The following GRM8 variants were observed in gnomAD, a reference collection of about 807,000 sequenced individuals.
GRM8 encodes the protein metabotropic glutamate receptor 8.
GRM8 carries 47 observed loss-of-function variants against 87.2 expected under a neutral mutation model. The observed-to-expected ratio is 0.54, with a 90% CI of 0.43 to 0.69. GRM8 has a LOEUF of 0.69. Among genes scored for constraint, GRM8 ranks in the 30% least tolerant of loss-of-function variants. GRM8 has a pLI of 0.00. For missense variants in GRM8, 1,019 were observed against 1,139.2 expected (o/e 0.89, Z 1.52); for synonymous variants, 396 against 404.5 (o/e 0.98, Z 0.25).
intron 8 of GRM8, among the ~76,000 whole-genome samples, chr7:126,559,088 G>A (rs1585050074): frequency 6.6e-6 from 1 of 151,860 alleles, no homozygotes; most frequent in Non-Finnish European, 1.5e-5. Context: ...CCAGATGGCT[G>A]GAAAGTCAGA....
chr7:127,144,972 ATC>A (rs1478925469), intron 2 of GRM8, among the ~76,000 whole-genome samples: 1 of 152,108 alleles, frequency 6.6e-6, no homozygotes, highest in Non-Finnish European at 1.5e-5. Context: ...TAATATATGC[ATC>A]TTTTCCCCAA....
At chr7:126,471,119 AT>A (rs1805157606) in intron 9 of GRM8, among the ~76,000 whole-genome samples, 1 of 151,546 alleles carries the variant, frequency 6.6e-6, no homozygotes, top group Non-Finnish European at 1.5e-5. Context: ...GGTTGCGAAA[AT>A]TTTCTCCCAT....
intron 6 of GRM8, among the ~76,000 whole-genome samples, chr7:126,773,942 T>G (rs1819141241): frequency 6.6e-6 from 1 of 152,186 alleles, no homozygotes. Flanking sequence ...ATTCAAATTA[T>G]TCATTTTCTT....
intron 6 of GRM8, among the ~76,000 whole-genome samples, chr7:126,795,184 T>C (rs527396711): frequency 1.8e-4 from 27 of 152,056 alleles, no homozygotes; most frequent in Non-Finnish European, 3.8e-4. Context: ...AACTGGACAG[T>C]TGAGATTGAA....
chr7:126,539,581 CATA>C (rs1331802673), intron 8 of GRM8, among the ~76,000 whole-genome samples: 3 of 151,860 alleles, frequency 2.0e-5, no homozygotes, highest in Non-Finnish European at 4.4e-5. Context: ...ATAGTACAGG[CATA>C]ATAATAAACA....
intron 2 of GRM8, among the ~76,000 whole-genome samples, chr7:127,165,399 G>T (rs1793393268): frequency 6.6e-6 from 1 of 151,432 alleles, no homozygotes; most frequent in African/African-American, 2.4e-5. Context: ...TCAAATATTT[G>T]GGAATGATAT....
At chr7:126,512,622 C>T (rs1811556857) in intron 9 of GRM8, 1 of 152,108 alleles carries the variant, frequency 6.6e-6, no homozygotes, top group African/African-American at 2.4e-5. Flanking sequence ...ACAGCTGAAA[C>T]ACAGGTATAA....
chr7:126,827,664 A>G (rs555630623), intron 6 of GRM8, among the ~76,000 whole-genome samples: 1 of 152,164 alleles, frequency 6.6e-6, no homozygotes, highest in Non-Finnish European at 1.5e-5. Flanking sequence ...CTGCAAACAG[A>G]GACAATTTGA....
intron 3 of GRM8, among the ~76,000 whole-genome samples, chr7:127,073,911 T>G (rs776588272): frequency 1.3e-5 from 2 of 152,224 alleles, no homozygotes; most frequent in Non-Finnish European, 1.5e-5. Context: ...GTAAGGAGTT[T>G]TTGTCCTTGA....
At chr7:127,170,368 G>A (rs1284377578) in intron 2 of GRM8, among the ~76,000 whole-genome samples, 1 of 152,156 alleles carries the variant, frequency 6.6e-6, no homozygotes. Context: ...GTGGTGAAAA[G>A]GGAACACTTT....
chr7:126,547,164 C>T (rs1480816703), intron 8 of GRM8, among the ~76,000 whole-genome samples: 2 of 152,140 alleles, frequency 1.3e-5, no homozygotes, highest in African/African-American at 4.8e-5. Flanking sequence ...ACAGACTCAT[C>T]CAAGTGCAAA....
intron 3 of GRM8, among the ~76,000 whole-genome samples, chr7:127,061,621 C>T (rs758673681): frequency 5.3e-5 from 8 of 152,172 alleles, no homozygotes; most frequent in Non-Finnish European, 1.2e-4. Flanking sequence ...CTTCCTCCCC[C>T]TGCTGATGCT....
chr7:126,523,404 T>G lies in GRM8; in HGVS notation c.2430+9548A>C, dbSNP rs924793015. Among the ~76,000 whole-genome samples the G allele has an allele frequency of 2.0e-5, 3 of 152,342 alleles. No homozygotes were observed. The South Asian group carries it at 6.2e-4, about 32-fold the overall frequency. On this transcript the variant is annotated intron_variant, in intron 9 of 10. Coordinates refer to ENST00000339582, the MANE Select transcript of GRM8 (RefSeq NM_000845.3). Reference sequence around the variant, plus strand: ...ACTCATATCTCTTGAGTTACCAATTTTAGATAGTATCTATTGGCTACTCAC... The same window carrying G: ...ACTCATATCTCTTGAGTTACCAATTGTAGATAGTATCTATTGGCTACTCAC...
intron 7 of GRM8, among the ~76,000 whole-genome samples, chr7:126,711,576 G>A (rs895032070): frequency 2.0e-5 from 3 of 152,192 alleles, no homozygotes; most frequent in Non-Finnish European, 4.4e-5. Flanking sequence ...AAGAGAGTCA[G>A]ACTGTCTTTT....
At chr7:127,044,226 CA>C (rs1329775209) in intron 3 of GRM8, among the ~76,000 whole-genome samples, 1 of 152,110 alleles carries the variant, frequency 6.6e-6, no homozygotes, top group African/African-American at 2.4e-5. Flanking sequence ...CTTCAGAAAT[CA>C]TGGGCACAGA....
rs145306704 is a variant in GRM8, at chr7:126,542,961, A to C, written c.1495-9074T>G. Among the ~76,000 whole-genome samples the C allele has an allele frequency of 6.6e-3, 1,000 of 152,316 alleles. 10 individuals are homozygous for C. Among genetic ancestry groups the C allele is most frequent in the Middle Eastern group, 0.031 (9 of 294 alleles). The stretch of plus-strand genomic sequence containing the variant: ...GTAAAGACAACAGAGATCATGGTAG[A>C]GTAAGGGCAAAAGATGAATGAAAAG... On this transcript the variant is annotated intron_variant, in intron 8 of 10. Transcript: ENST00000339582.
At chr7:126,739,275 A>T (rs1164574956) in intron 7 of GRM8, among the ~76,000 whole-genome samples, 1 of 152,018 alleles carries the variant, frequency 6.6e-6, no homozygotes, top group African/African-American at 2.4e-5. Flanking sequence ...GGAAGAAAAG[A>T]TATACTCCCT....
chr7:126,785,559 G>T (rs981226264), intron 6 of GRM8, among the ~76,000 whole-genome samples: 5 of 152,056 alleles, frequency 3.3e-5, no homozygotes, highest in African/African-American at 1.2e-4. Context: ...GTAGGCAAAT[G>T]TACAGTATGG....
At chr7:126,728,958 TGTTCACACA>T (rs1813302603) in intron 7 of GRM8, among the ~76,000 whole-genome samples, 1 of 152,218 alleles carries the variant, frequency 6.6e-6, no homozygotes, top group South Asian at 2.1e-4. Context: ...TTCAGGTCTC[TGTTCACACA>T]GGACCTTTTC....
Sources: allele counts gnomAD v4.1 joint callset (sites outside exome capture counted in the v4.1 genomes callset), GRCh38; gene constraint gnomAD v4.1.1; transcripts MANE v1.5; gene names NCBI Gene and HGNC (gene_info 2026-07-23, HGNC 2026-07-21).